The following ERC1 variants were observed in gnomAD, a reference collection of about 807,000 sequenced individuals.
ERC1 encodes the protein ELKS/RAB6-interacting/CAST family member 1.
A neutral mutation model predicts 132.0 loss-of-function variants in ERC1; 56 were observed. The ratio of observed to expected loss-of-function variants is 0.42; its 90% CI spans 0.34 to 0.53. The LOEUF is 0.53. Among genes scored for constraint, ERC1 ranks in the 20% least tolerant of loss-of-function variants. The pLI is 0.03. For synonymous variants in ERC1, 478 were observed against 476.1 expected (o/e 1.00, Z -0.05); for missense variants, 1,202 against 1,349.9 (o/e 0.89, Z 1.72).
At chr12:1,070,417 A>G (rs975639842) in intron 2 of ERC1, among the ~76,000 whole-genome samples, 1 of 151,662 alleles carries the variant, frequency 6.6e-6, no homozygotes, top group Non-Finnish European at 1.5e-5. Flanking sequence ...CCTCCTGAGT[A>G]TCTGGGACTA....
intron 13 of ERC1, among the ~76,000 whole-genome samples, chr12:1,262,640 AAG>A (rs1166074656): frequency 1.3e-5 from 2 of 152,228 alleles, no homozygotes; most frequent in Non-Finnish European, 2.9e-5. Context: ...ACTGCAGGGA[AAG>A]AGTGTTTTGA....
chr12:1,469,646 C>T (rs1012008752), intron 18 of ERC1, among the ~76,000 whole-genome samples: 2 of 152,226 alleles, frequency 1.3e-5, no homozygotes, highest in Admixed American at 6.5e-5. Context: ...CTTAAGCATT[C>T]GTTGAGCCAG....
rs2092955087 is a variant in ERC1, at chr12:1,436,581, G to A, written c.3025-7981G>A. ...CTCTTTTGCCCCCTAGGCAACAAGC[G>A]TATTGTTGTTTTTCAGATCCATCCG... On this transcript the variant is annotated intron_variant, in intron 17 of 18. Coordinates refer to ENST00000360905, the MANE Select transcript of ERC1 (RefSeq NM_178040.4). 3.9e-5 allele frequency among the ~76,000 whole-genome samples: 6 copies of A among 152,304 alleles called. 1 individual carries two copies. The South Asian group carries it at 1.2e-3, about 32-fold the overall frequency.
At chr12:1,304,852 T>G (rs138265205) in intron 15 of ERC1, among the ~76,000 whole-genome samples, 9 of 134,564 alleles carry the variant, frequency 6.7e-5, no homozygotes, top group Non-Finnish European at 9.3e-5. Context: ...TACAGTGGCG[T>G]GATCTCGGCT....
chr12:1,492,970 T>C lies in ERC1; in HGVS notation c.*2740T>C. On this transcript the variant is annotated 3_prime_UTR_variant, in exon 19 of 19. Coordinates refer to ENST00000360905, the MANE Select transcript of ERC1 (RefSeq NM_178040.4). Reference sequence around the variant, plus strand: ...AAACTCAGTGCAGGTTGCCCTTAATTTTCCCCAAACCCCTCCATCGGCAAG... The same window carrying C: ...AAACTCAGTGCAGGTTGCCCTTAATCTTCCCCAAACCCCTCCATCGGCAAG... 4.4e-6 allele frequency: 1 copy of C among 226,940 alleles called. No individual in the cohort carries two copies. 14.1% of individuals were successfully genotyped at this position (226,940 alleles called of 1,614,324 possible).
chr12:1,015,247 C>T lies in ERC1; in HGVS notation c.-156-12501C>T, dbSNP rs534586376. Reference sequence around the variant, plus strand: ...GGTAAGTTTTGTATTTTGGTAGAGACAGGAATTCACCATGTTGTCCAGGCT... The same window carrying T: ...GGTAAGTTTTGTATTTTGGTAGAGATAGGAATTCACCATGTTGTCCAGGCT... On this transcript the variant is annotated intron_variant, in intron 1 of 18. Coordinates refer to ENST00000360905, the MANE Select transcript of ERC1 (RefSeq NM_178040.4). Among the ~76,000 whole-genome samples, 41 of 151,312 alleles carry T rather than the reference C, an allele frequency of 2.7e-4. No homozygotes were observed. In the East Asian group the frequency reaches 7.4e-3, roughly 27 times the overall value.
At chr12:1,287,934 C>T (rs891063403) in intron 14 of ERC1, among the ~76,000 whole-genome samples, 2 of 152,170 alleles carry the variant, frequency 1.3e-5, no homozygotes, top group African/African-American at 4.8e-5. Context: ...GGAGGGTGAG[C>T]ATGGTTGGCT....
intron 17 of ERC1, among the ~76,000 whole-genome samples, chr12:1,435,384 A>G (rs1350647208): frequency 6.6e-6 from 1 of 152,154 alleles, no homozygotes; most frequent in Non-Finnish European, 1.5e-5. Context: ...CAAAGCTGCT[A>G]GGGTCGGGGA....
At position 1,177,641 on chromosome 12, in the gene ERC1, A is replaced by G. The variant is rs139856150; in HGVS notation, c.1738-2899A>G. 8.2e-4 allele frequency among the ~76,000 whole-genome samples: 125 copies of G among 152,348 alleles called. 1 individual carries two copies. The highest frequency in any genetic ancestry group is 1.6e-3 in the Non-Finnish European group (109 of 68,028). ...TTCATGGCACCCCAGATAAATTACA[A>G]TAGTATCATCAGAGATCACTGATCA... On this transcript the variant is annotated intron_variant, in intron 8 of 18. Transcript: ENST00000360905.
At chr12:1,030,729 A>G (rs1967864997) in intron 2 of ERC1, among the ~76,000 whole-genome samples, 1 of 152,168 alleles carries the variant, frequency 6.6e-6, no homozygotes, top group Non-Finnish European at 1.5e-5. Flanking sequence ...TAAAAACAAA[A>G]CAAAAAACAA....
At chr12:1,290,066 C>T in intron 15 of ERC1, 54 bp downstream of exon 15, 1 of 1,485,082 alleles carries the variant, frequency 6.7e-7, no homozygotes, top group Non-Finnish European at 9.4e-7. Context: ...AATACTTTTT[C>T]TCCCTGCATT....
At chr12:1,388,011 G>A (rs928810027) in intron 16 of ERC1, among the ~76,000 whole-genome samples, 2 of 152,122 alleles carry the variant, frequency 1.3e-5, no homozygotes, top group Non-Finnish European at 1.5e-5. Context: ...AGACAGCCTC[G>A]GGGCAGAAGA....
intron 18 of ERC1, among the ~76,000 whole-genome samples, chr12:1,448,781 G>A (rs541777267): frequency 6.6e-6 from 1 of 152,338 alleles, no homozygotes; most frequent in Non-Finnish European, 1.5e-5. Context: ...CCCCTACACA[G>A]TCCCCACTGG....
rs760332970 is a variant in ERC1 at position 1,104,718 on chromosome 12, G to A, written c.1087-32G>A. On this transcript the variant is annotated intron_variant, in intron 3 of 18. Transcript: ENST00000360905. ...GAAAAAAATGAGGGTGAACAGGAGAGCACTGAATCTCTTTCTGCCTCTTTT... is the reference window on the plus strand; with the variant it reads ...GAAAAAAATGAGGGTGAACAGGAGAACACTGAATCTCTTTCTGCCTCTTTT... 22 of 1,487,428 alleles carry A rather than the reference G, an allele frequency of 1.5e-5. No homozygotes were observed. The South Asian group carries it at 1.6e-4, about 11-fold the overall frequency. 92.1% of individuals were successfully genotyped at this position (1,487,428 alleles called of 1,614,324 possible).
intron 15 of ERC1, among the ~76,000 whole-genome samples, chr12:1,333,589 C>G (rs1262740723): frequency 6.6e-6 from 1 of 152,070 alleles, no homozygotes; most frequent in African/African-American, 2.4e-5. Context: ...TCTCAGCCTC[C>G]CAAAGTGCTG....
At chr12:1,254,943 C>CTTT (rs59417058) in intron 13 of ERC1, among the ~76,000 whole-genome samples, 3 of 139,788 alleles carry the variant, frequency 2.1e-5, no homozygotes, top group Non-Finnish European at 4.7e-5. Flanking sequence ...CTCAAATCCA[C>CTTT]TTTTTTTTTT....
chr12:1,235,030 C>T (rs1190730118), intron 12 of ERC1, among the ~76,000 whole-genome samples: 1 of 152,082 alleles, frequency 6.6e-6, no homozygotes, highest in East Asian at 1.9e-4. Flanking sequence ...GGAAATGTCA[C>T]AAAATTGTAT....
At chr12:1,318,350 C>A (rs1178968766) in intron 15 of ERC1, among the ~76,000 whole-genome samples, 2 of 152,020 alleles carry the variant, frequency 1.3e-5, no homozygotes, top group African/African-American at 2.4e-5. Flanking sequence ...GTATTTAAAT[C>A]AAAATGAAAA....
chr12:1,006,139 TAGAG>T (rs1963532964), intron 1 of ERC1, among the ~76,000 whole-genome samples: 1 of 151,960 alleles, frequency 6.6e-6, no homozygotes, highest in African/African-American at 2.4e-5. Flanking sequence ...GTATTTTTAG[TAGAG>T]ACGGGGTTTC....
Sources: allele counts gnomAD v4.1 joint callset (sites outside exome capture counted in the v4.1 genomes callset), GRCh38; gene constraint gnomAD v4.1.1; transcripts MANE v1.5; gene names NCBI Gene and HGNC (gene_info 2026-07-23, HGNC 2026-07-21).